The following XPO6 variants were observed in gnomAD, a reference collection of about 807,000 sequenced individuals.
XPO6 encodes exportin 6.
A neutral mutation model predicts 130.0 loss-of-function variants in XPO6; 3 were observed. The ratio of observed to expected loss-of-function variants is 0.02; its 90% CI spans 0.01 to 0.06. The LOEUF is 0.06. Ranked by LOEUF, XPO6 falls within the 10% of genes least tolerant of loss-of-function variation. The probability of loss-of-function intolerance (pLI) is 1.00; values close to 1 mark genes in which losing one functional copy is unlikely to be tolerated. For missense variants in XPO6, 970 were observed against 1,393.0 expected (o/e 0.70, Z 4.83); for synonymous variants, 524 against 548.9 (o/e 0.95, Z 0.63).
At chr16:28,125,267 C>A (rs33045) in intron 13 of XPO6, among the ~76,000 whole-genome samples, 43,605 of 152,094 alleles carry the variant, frequency 0.29, 6,371 homozygotes, top group Middle Eastern at 0.33. Context: ...GGAGTTGACT[C>A]CTTATCAGTA....
intron 15 of XPO6, among the ~76,000 whole-genome samples, chr16:28,114,817 GAGTC>G (rs2087013948): frequency 6.6e-6 from 1 of 152,188 alleles, no homozygotes; most frequent in African/African-American, 2.4e-5. Flanking sequence ...TTCAAAGTTG[GAGTC>G]AGTCCTCTCA....
At chr16:28,204,665 A>G (rs1173707037) in intron 1 of XPO6, among the ~76,000 whole-genome samples, 1 of 152,170 alleles carries the variant, frequency 6.6e-6, no homozygotes, top group Admixed American at 6.6e-5. Flanking sequence ...GAAGGCACTA[A>G]GTTCGAGGCC....
At chr16:28,135,865 C>T (rs2042765446) in intron 9 of XPO6, among the ~76,000 whole-genome samples, 1 of 152,170 alleles carries the variant, frequency 6.6e-6, no homozygotes, top group South Asian at 2.1e-4. Context: ...TTTTCTATGA[C>T]TTATGTTCCT....
intron 5 of XPO6, 115 bp downstream of exon 5, chr16:28,169,635 T>G: frequency 7.3e-7 from 1 of 1,376,756 alleles, no homozygotes; most frequent in Non-Finnish European, 9.9e-7. Context: ...GCTTCCCATT[T>G]TCATGCTATC....
Position 28,100,283 on chromosome 16 carries a change from C to A in XPO6, c.3276+1175G>T, listed in dbSNP as rs530087892. Among the ~76,000 whole-genome samples the A allele has an allele frequency of 2.0e-5, 3 of 152,344 alleles. No individual in the cohort carries two copies. The South Asian group carries it at 6.2e-4, about 32-fold the overall frequency. On this transcript the variant is annotated intron_variant, in intron 23 of 23. Transcript: ENST00000304658. Reference sequence around the variant, plus strand: ...GAGATTACAGGTGTGAGACACCGCGCCTGGCCTATAACTAGATTTTGAAAC... The same window carrying A: ...GAGATTACAGGTGTGAGACACCGCGACTGGCCTATAACTAGATTTTGAAAC...
chr16:28,102,563 C>A (rs553351820), intron 21 of XPO6, among the ~76,000 whole-genome samples: 1 of 152,106 alleles, frequency 6.6e-6, no homozygotes, highest in African/African-American at 2.4e-5. Context: ...CACGGTAAAA[C>A]CCCATCTCTA....
chr16:28,198,792 A>G (rs1414930555), intron 1 of XPO6, among the ~76,000 whole-genome samples: 1 of 152,182 alleles, frequency 6.6e-6, no homozygotes, highest in Non-Finnish European at 1.5e-5. Context: ...AAAACTCCCT[A>G]TACTATTTCT....
At chr16:28,177,090 G>A (rs1364976274) in intron 3 of XPO6, 130 bp downstream of exon 3, 1 of 481,708 alleles carries the variant, frequency 2.1e-6, no homozygotes, top group Non-Finnish European at 3.7e-6. Context: ...CATAAAGACA[G>A]TATGTGGGAC....
intron 13 of XPO6, 22 bp downstream of exon 13, chr16:28,125,650 TGAAGAAGGAACAGCTCC>T: frequency 6.3e-7 from 1 of 1,594,784 alleles, no homozygotes; most frequent in African/African-American, 1.3e-5. Flanking sequence ...AGCTGAACTC[TGAAGAAGGAACAGCTCC>T]ATAAGGTAAC....
intron 20 of XPO6, among the ~76,000 whole-genome samples, chr16:28,105,205 C>A (rs1485538220): frequency 6.6e-6 from 1 of 152,148 alleles, no homozygotes; most frequent in African/African-American, 2.4e-5. Context: ...ATTCTGCTCC[C>A]CAGAAGGGGA....
At chr16:28,144,471 C>T (rs2042948539) in intron 9 of XPO6, among the ~76,000 whole-genome samples, 1 of 152,178 alleles carries the variant, frequency 6.6e-6, no homozygotes, top group South Asian at 2.1e-4. Flanking sequence ...CCAGCCACAG[C>T]GTGATCACTG....
chr16:28,168,315 T>C (rs1198220453), intron 5 of XPO6, among the ~76,000 whole-genome samples: 1 of 151,994 alleles, frequency 6.6e-6, no homozygotes, highest in Non-Finnish European at 1.5e-5. Flanking sequence ...GGACTCTATG[T>C]CTAGTAAAAA....
intron 1 of XPO6, among the ~76,000 whole-genome samples, chr16:28,184,505 G>C (rs1384970492): frequency 6.6e-6 from 1 of 151,790 alleles, no homozygotes. Context: ...TGGCACAATG[G>C]AGAGAGTGTA....
At chr16:28,151,037 C>T (rs190734837) in intron 8 of XPO6, among the ~76,000 whole-genome samples, 1 of 152,044 alleles carries the variant, frequency 6.6e-6, no homozygotes, top group East Asian at 1.9e-4. Flanking sequence ...ACCACTGGGT[C>T]CTCTTCTATT....
At chr16:28,189,576 A>G (rs1314652191) in intron 1 of XPO6, among the ~76,000 whole-genome samples, 1 of 144,498 alleles carries the variant, frequency 6.9e-6, no homozygotes, top group African/African-American at 2.6e-5. Context: ...CATTGTGTAC[A>G]AGAGTTGCAG....
chr16:28,178,334 T>C (rs2043563622), intron 2 of XPO6, among the ~76,000 whole-genome samples: 2 of 152,040 alleles, frequency 1.3e-5, no homozygotes, highest in African/African-American at 4.8e-5. Flanking sequence ...TTTGAGAAGC[T>C]GAGGCAGGAG....
At chr16:28,118,891 G>A (rs76267224) in intron 14 of XPO6, among the ~76,000 whole-genome samples, 2,535 of 152,224 alleles carry the variant, frequency 0.017, 31 homozygotes, top group Non-Finnish European at 0.027. Flanking sequence ...TTTCTCCAAG[G>A]TGCTCTGGAG....
intron 15 of XPO6, 87 bp downstream of exon 15, chr16:28,117,231 A>G (rs2087088893): frequency 1.9e-6 from 3 of 1,541,486 alleles, no homozygotes; most frequent in Admixed American, 1.7e-5. Context: ...ACTCTGTGTC[A>G]TATTTAGATT....
At chr16:28,198,244 C>T (rs771430106) in intron 1 of XPO6, among the ~76,000 whole-genome samples, 9 of 151,808 alleles carry the variant, frequency 5.9e-5, no homozygotes, top group Non-Finnish European at 7.4e-5. Flanking sequence ...ACAGTGTAAT[C>T]TCAACCATAT....
Sources: gnomAD v4.1 joint callset for allele counts (sites outside exome capture counted in the v4.1 genomes callset) on GRCh38, gnomAD v4.1.1 for gene constraint, MANE v1.5 for transcripts, NCBI Gene and HGNC (gene_info 2026-07-23, HGNC 2026-07-21) for gene names.